The following LINGO2 variants were observed in gnomAD, a reference collection of about 807,000 sequenced individuals.
LINGO2 encodes the protein leucine rich repeat and Ig domain containing 2.
In LINGO2, 14 loss-of-function variants were observed where a neutral mutation model predicts 30.6. The observed-to-expected ratio is 0.46, with a 90% CI of 0.30 to 0.72. LINGO2 has a LOEUF of 0.72. Ranked by LOEUF, LINGO2 falls within the 30% of genes least tolerant of loss-of-function variation. The pLI is 0.07. For synonymous variants in LINGO2, 317 were observed against 288.5 expected, an observed-to-expected ratio of 1.10 and a Z score of -1.00; for missense variants, 729 against 751.7, an observed-to-expected ratio of 0.97 and a Z score of 0.35.
At chr9:29,041,808 T>A in the LINGO2 span, among the ~76,000 whole-genome samples, 294 of 152,122 alleles carry the variant, frequency 1.9e-3, 1 homozygote, top group African/African-American at 6.7e-3. Context: ...GTAGATCTTA[T>A]CAAAATTAAA....
At chr9:29,022,514 A>G in the LINGO2 span, among the ~76,000 whole-genome samples, 1 of 152,202 alleles carries the variant, frequency 6.6e-6, no homozygotes, top group Admixed American at 6.5e-5. Flanking sequence ...CTGAAATTCA[A>G]TGAGTTAAAT....
At chr9:28,394,159 A>C (rs1821950925) in intron 2 of LINGO2, among the ~76,000 whole-genome samples, 2 of 152,194 alleles carry the variant, frequency 1.3e-5, no homozygotes, top group African/African-American at 4.8e-5. Flanking sequence ...GTCAGTGCTC[A>C]TAGGATTAAC....
chr9:28,899,013 C>T, the LINGO2 span, among the ~76,000 whole-genome samples: 1 of 151,954 alleles, frequency 6.6e-6, no homozygotes, highest in Non-Finnish European at 1.5e-5. Context: ...TAGGACCTCC[C>T]AGTGTTTGTC....
At chr9:28,802,476 G>A in the LINGO2 span, among the ~76,000 whole-genome samples, 1 of 151,868 alleles carries the variant, frequency 6.6e-6, no homozygotes, top group Non-Finnish European at 1.5e-5. Flanking sequence ...CAACCAGCTT[G>A]CATTTTTCAC....
At chr9:28,510,645 C>T (rs941536170) in intron 1 of LINGO2, among the ~76,000 whole-genome samples, 16 of 150,986 alleles carry the variant, frequency 1.1e-4, no homozygotes, top group Non-Finnish European at 1.8e-4. Context: ...GCCTGTGCAG[C>T]GCAAACCCAG....
chr9:28,089,619 T>C (rs1277315255), intron 4 of LINGO2, among the ~76,000 whole-genome samples: 1 of 152,006 alleles, frequency 6.6e-6, no homozygotes, highest in Non-Finnish European at 1.5e-5. Flanking sequence ...GCAGGAAAGA[T>C]CTAAAATTGA....
At chr9:28,321,913 AG>A (rs137922050) in intron 3 of LINGO2, among the ~76,000 whole-genome samples, 5,790 of 151,984 alleles carry the variant, frequency 0.038, 167 homozygotes, top group Admixed American at 0.094. Flanking sequence ...ATGGAAAAAA[AG>A]AAAAAAAACA....
chr9:28,375,141 C>A (rs1361508883), intron 2 of LINGO2, among the ~76,000 whole-genome samples: 5 of 148,174 alleles, frequency 3.4e-5, no homozygotes, highest in South Asian at 4.3e-4. Flanking sequence ...CACATACACC[C>A]CACACTAAGC....
At chr9:28,680,275 C>A in the LINGO2 span, among the ~76,000 whole-genome samples, 1 of 152,010 alleles carries the variant, frequency 6.6e-6, no homozygotes, top group African/African-American at 2.4e-5. Context: ...CTCATCAATG[C>A]TGTTGCATAT....
In LINGO2 at chr9:28,329,523, T is replaced by C. The variant is rs1825344979; in HGVS notation, c.-245-34157A>G. Among the ~76,000 whole-genome samples, 1 of 152,144 alleles carries C rather than the reference T, an allele frequency of 6.6e-6. No individual in the cohort carries two copies. Among genetic ancestry groups the C allele is most frequent in the Non-Finnish European group, 1.5e-5 (1 of 68,036 alleles). On this transcript the variant is annotated intron_variant, in intron 3 of 5. Transcript: ENST00000379992. The surrounding 1 kb of genome is among the most constrained non-coding windows in gnomAD (Gnocchi z 4.5). ...TAAAATGCTCATGATAATTGACTCC[T>C]GGTACAACATGCATGTTCAGACTTG...
chr9:29,116,394 T>G, the LINGO2 span, among the ~76,000 whole-genome samples: 1 of 152,084 alleles, frequency 6.6e-6, no homozygotes, highest in Non-Finnish European at 1.5e-5. Context: ...AAAGATAAAA[T>G]CTTCCATAAA....
At chr9:28,717,777 A>G in the LINGO2 span, among the ~76,000 whole-genome samples, 38 of 151,970 alleles carry the variant, frequency 2.5e-4, no homozygotes, top group African/African-American at 8.7e-4. Context: ...CGCTTCTCAG[A>G]TCTAGTGGGA....
chr9:28,389,864 G>T (rs747832040), intron 2 of LINGO2, among the ~76,000 whole-genome samples: 1 of 152,124 alleles, frequency 6.6e-6, no homozygotes, highest in Non-Finnish European at 1.5e-5. Flanking sequence ...GATTTGAGGG[G>T]ACATAAAGTC....
chr9:28,328,672 A>G (rs1825314338), intron 3 of LINGO2, among the ~76,000 whole-genome samples: 1 of 152,178 alleles, frequency 6.6e-6, no homozygotes, highest in African/African-American at 2.4e-5. Context: ...ACATTAGGAA[A>G]GCCATAATGT....
At chr9:28,916,693 G>A in the LINGO2 span, among the ~76,000 whole-genome samples, 1 of 152,176 alleles carries the variant, frequency 6.6e-6, no homozygotes, top group Non-Finnish European at 1.5e-5. Context: ...AAACCAAGCT[G>A]TAGCCCAACC....
intron 1 of LINGO2, among the ~76,000 whole-genome samples, chr9:28,612,417 A>G (rs1825958021): frequency 6.6e-6 from 1 of 152,150 alleles, no homozygotes; most frequent in Non-Finnish European, 1.5e-5. Context: ...TATCTGGACA[A>G]TCAACACCAA....
chr9:29,042,752 A>C, the LINGO2 span, among the ~76,000 whole-genome samples: 8 of 152,086 alleles, frequency 5.3e-5, no homozygotes, highest in East Asian at 1.5e-3. Context: ...TTGTTGCCTC[A>C]CATCCTTATT....
At chr9:28,695,133 A>C in the LINGO2 span, among the ~76,000 whole-genome samples, 1 of 151,930 alleles carries the variant, frequency 6.6e-6, no homozygotes, top group Non-Finnish European at 1.5e-5. Flanking sequence ...GATTGTTTTG[A>C]CAGTGAACAA....
the LINGO2 span, among the ~76,000 whole-genome samples, chr9:29,052,202 G>C: frequency 6.6e-6 from 1 of 152,120 alleles, no homozygotes; most frequent in Non-Finnish European, 1.5e-5. Flanking sequence ...CTGGGTCTCA[G>C]AGTGAACACT....
Sources: gnomAD v4.1 joint callset for allele counts (sites outside exome capture counted in the v4.1 genomes callset) on GRCh38, gnomAD v4.1.1 for gene constraint, Gnocchi (gnomAD v3.1) non-coding constraint, MANE v1.5 for transcripts, NCBI Gene and HGNC (gene_info 2026-07-23, HGNC 2026-07-21) for gene names.